Variants in NBEA observed in about 807,000 individuals in gnomAD.
NBEA encodes lysosomal-trafficking regulator 2.
In NBEA, 44 loss-of-function variants were observed where a neutral mutation model predicts 343.4. The ratio of observed to expected loss-of-function variants is 0.13; its 90% CI spans 0.10 to 0.16. The LOEUF (loss-of-function observed/expected upper bound fraction) is 0.16, where lower values mean the gene tolerates loss of function less well. Among genes scored for constraint, NBEA ranks in the 10% least tolerant of loss-of-function variants. The pLI is 1.00. For synonymous variants in NBEA, 1,175 were observed against 1,238.7 expected, an observed-to-expected ratio of 0.95 and a Z score of 1.08; for missense variants, 2,555 against 3,631.3, an observed-to-expected ratio of 0.70 and a Z score of 7.62.
intron 31 of NBEA, among the ~76,000 whole-genome samples, chr13:35,200,264 CTT>C (rs1304895985): frequency 1.3e-5 from 2 of 151,748 alleles, no homozygotes; most frequent in Admixed American, 1.3e-4. Context: ...TACTGTGTAA[CTT>C]TTACTTTGGA....
At chr13:34,994,459 T>C (rs2060872354) in intron 1 of NBEA, among the ~76,000 whole-genome samples, 1 of 152,074 alleles carries the variant, frequency 6.6e-6, no homozygotes, top group African/African-American at 2.4e-5. Flanking sequence ...TTCCAGCAAT[T>C]GAGAGTGTTG....
At chr13:35,161,999 C>G (rs1436631766) in intron 23 of NBEA, 32 bp downstream of exon 23, 9 of 1,500,402 alleles carry the variant, frequency 6.0e-6, no homozygotes, top group Non-Finnish European at 8.1e-6. Flanking sequence ...AAATTAAAAG[C>G]AAATATTTAA....
Position 35,628,220 on chromosome 13 carries a change from A to G in NBEA, c.7589A>G (p.Asp2530Gly). 1 of 1,611,512 alleles carries G rather than the reference A, an allele frequency of 6.2e-7. No individual in the cohort carries two copies. Among genetic ancestry groups the G allele is most frequent in the Non-Finnish European group, 8.5e-7 (1 of 1,178,732 alleles). ...ACTTATGAAGGCTCTGTGAACCTGG[A>G]TAGTATCACTGATCCTGTGCTCAGG... is the stretch of plus-strand genomic sequence containing the variant. ...YLTYEGSVNL[D>G]SITDPVLREI... Residue 2530 changes from aspartate (D) to glycine (G), a missense_variant, in exon 49 of 59, where the codon GAT becomes GGT. This residue lies in a region of NBEA where 87 missense variants were observed against 75.0 expected (regional missense o/e 1.16). Coordinates refer to ENST00000379939, the MANE Select transcript of NBEA (RefSeq NM_001385012.1).
rs549533287 is a variant in NBEA at position 35,617,600 on chromosome 13, C to T, written c.7450-10481C>T. Among the ~76,000 whole-genome samples, 3 of 152,170 alleles carry T rather than the reference C, an allele frequency of 2.0e-5. No homozygotes were observed. The South Asian group carries it at 6.2e-4, about 32-fold the overall frequency. On this transcript the variant is annotated intron_variant, in intron 48 of 58. Transcript: ENST00000379939. ...TGCTGCCTCTGAGAACTGTCTTAAG[C>T]ATCAACGCTACGCAAAGACATCTCG...
At chr13:35,096,215 C>A (rs1348776436) in intron 10 of NBEA, among the ~76,000 whole-genome samples, 2 of 143,302 alleles carry the variant, frequency 1.4e-5, no homozygotes, top group East Asian at 2.0e-4. Context: ...TTTTTTTTTG[C>A]AAAGATGTGG....
At position 35,109,371 on chromosome 13, in the gene NBEA, G is replaced by A. The variant is rs1331967759; in HGVS notation, c.1762G>A (p.Ala588Thr). ...ATACCTTGATGGTTTATCTCATGGA[G>A]CACCTTTGCTGAAGCAGCTTTGTGA... ...AKYLDGLSHG[A>T]PLLKQLCDHI... is the part of the protein sequence containing the mutation. Residue 588 changes from alanine to threonine, a missense_variant, in exon 12 of 59, where the codon GCA (alanine) becomes ACA (threonine). Transcript: ENST00000379939. 4.3e-6 allele frequency: 7 copies of A among 1,612,548 alleles called. No individual in the cohort carries two copies. The highest frequency in any genetic ancestry group is 5.9e-6 in the Non-Finnish European group (7 of 1,179,110).
At chr13:35,150,414 T>A (rs2068702878) in intron 18 of NBEA, among the ~76,000 whole-genome samples, 1 of 152,112 alleles carries the variant, frequency 6.6e-6, no homozygotes, top group Non-Finnish European at 1.5e-5. Flanking sequence ...TGTTTCTGGA[T>A]CACCAGAGTT....
chr13:35,227,762 A>G (rs1412534125), intron 33 of NBEA, among the ~76,000 whole-genome samples: 1 of 152,058 alleles, frequency 6.6e-6, no homozygotes, highest in East Asian at 1.9e-4. Context: ...ATCAAAAATA[A>G]GTAAAAATGA....
chr13:35,098,284 A>G lies in NBEA; in HGVS notation c.1572-13A>G. ...GTGATGATTACATAATGATGTCTGT[A>G]CTTTACATGCAGTGCTACTCTGTTG... On this transcript the variant is annotated splice_polypyrimidine_tract_variant and intron_variant, in intron 10 of 58. Transcript: ENST00000379939. 6.5e-7 allele frequency: 1 copy of G among 1,530,676 alleles called. No individual in the cohort carries two copies. The highest frequency in any genetic ancestry group is 8.9e-7 in the Non-Finnish European group (1 of 1,122,494). 94.8% of individuals were successfully genotyped at this position (1,530,676 alleles called of 1,614,324 possible).
intron 46 of NBEA, 89 bp downstream of exon 46, chr13:35,584,127 G>T: frequency 1.7e-6 from 2 of 1,209,566 alleles, no homozygotes; most frequent in South Asian, 1.3e-5. Context: ...GTTGTAATTT[G>T]ATTAACAAAG....
intron 16 of NBEA, among the ~76,000 whole-genome samples, chr13:35,122,253 G>A (rs1296648461): frequency 1.1e-4 from 16 of 152,046 alleles, no homozygotes; most frequent in African/African-American, 3.1e-4. Flanking sequence ...TCATGCTGCT[G>A]TAAAGACACA....
intron 1 of NBEA, among the ~76,000 whole-genome samples, chr13:34,964,154 C>T (rs1028178989): frequency 2.0e-5 from 3 of 151,978 alleles, no homozygotes; most frequent in Admixed American, 1.3e-4. Flanking sequence ...CCAAGCTATA[C>T]TCTGATTGAA....
chr13:34,986,950 G>C (rs2060571529), intron 1 of NBEA, among the ~76,000 whole-genome samples: 1 of 150,790 alleles, frequency 6.6e-6, no homozygotes, highest in African/African-American at 2.4e-5. Flanking sequence ...ACACTGATGG[G>C]TCTTGACTCT....
chr13:35,140,509 AT>A (rs963188000), intron 17 of NBEA, among the ~76,000 whole-genome samples: 5 of 151,862 alleles, frequency 3.3e-5, no homozygotes, highest in African/African-American at 1.2e-4. Flanking sequence ...TTAGCCCTGT[AT>A]TTTTTTTAAA....
intron 41 of NBEA, among the ~76,000 whole-genome samples, chr13:35,488,342 G>A (rs889700607): frequency 2.0e-5 from 3 of 151,846 alleles, no homozygotes; most frequent in East Asian, 1.9e-4. Flanking sequence ...CACAGCCTTC[G>A]TATAGTTTTT....
intron 1 of NBEA, among the ~76,000 whole-genome samples, chr13:35,010,769 T>TATATATATATATACACATATAC (rs1566159335): frequency 5.8e-5 from 6 of 102,596 alleles, no homozygotes; most frequent in African/African-American, 2.0e-4. Context: ...TATATATATA[T>TATATATATATATACACATATAC]ATATATATAT....
intron 55 of NBEA, among the ~76,000 whole-genome samples, chr13:35,660,950 G>T (rs2085063854): frequency 6.6e-6 from 1 of 152,152 alleles, no homozygotes; most frequent in Non-Finnish European, 1.5e-5. Context: ...GGACCAAATG[G>T]TAATGGATGT....
chr13:35,651,691 A>G (rs1476283793), intron 52 of NBEA, 114 bp from the exon 53 acceptor site: 3 of 705,198 alleles, frequency 4.3e-6, no homozygotes, highest in African/African-American at 3.6e-5. Flanking sequence ...AATTTATCAA[A>G]TCATTTTTAA....
At chr13:34,997,896 C>G (rs1391478574) in intron 1 of NBEA, among the ~76,000 whole-genome samples, 1 of 152,046 alleles carries the variant, frequency 6.6e-6, no homozygotes, top group Admixed American at 6.6e-5. Context: ...TACAAGAGAC[C>G]TTATTATAAT....
Sources: gnomAD v4.1 joint callset for allele counts (sites outside exome capture counted in the v4.1 genomes callset) on GRCh38, gnomAD v4.1.1 for gene constraint, gnomAD v4.1.1 regional missense constraint, MANE v1.5 for transcripts, NCBI Gene and HGNC (gene_info 2026-07-23, HGNC 2026-07-21) for gene names.